The following LUC7L2 variants were observed in gnomAD, a reference collection of about 807,000 sequenced individuals.
LUC7L2 encodes the protein LUC7 like 2, pre-mRNA splicing factor.
Under a neutral mutation model 52.8 loss-of-function variants are expected in LUC7L2, and 25 were observed. The observed-to-expected ratio is 0.47, with a 90% CI of 0.34 to 0.66. The LOEUF (loss-of-function observed/expected upper bound fraction) is 0.66. LUC7L2 is among the 30% of genes least tolerant of loss of function. LUC7L2 has a pLI of 0.01. For synonymous variants in LUC7L2, 144 were observed against 160.9 expected, an observed-to-expected ratio of 0.89 and a Z score of 0.80; for missense variants, 328 against 497.8, an observed-to-expected ratio of 0.66 and a Z score of 3.25.
intron 2 of LUC7L2, among the ~76,000 whole-genome samples, chr7:139,395,663 C>G (rs1172662154): frequency 6.6e-6 from 1 of 152,148 alleles, no homozygotes; most frequent in Non-Finnish European, 1.5e-5. Flanking sequence ...ACTTTTGAGA[C>G]AGGGTCTAGC....
At position 139,380,192 on chromosome 7, in the gene LUC7L2, A is replaced by T. The variant is rs548309327; in HGVS notation, c.156+4036A>T. 5.7e-4 allele frequency among the ~76,000 whole-genome samples: 86 copies of T among 152,206 alleles called. 1 individual carries two copies. The highest frequency in any genetic ancestry group is 3.1e-3 in the South Asian group (15 of 4,826). ...AGACTCTGTCTCAAAATAAATTAAT[A>T]AATTAATCAGAGGAGGTAAAACAGA... On this transcript the variant is annotated intron_variant, in intron 2 of 9. Transcript: ENST00000354926.
At chr7:139,417,474 G>A (rs750783129) in intron 8 of LUC7L2, 64 bp from the exon 9 acceptor site, 18 of 1,548,634 alleles carry the variant, frequency 1.2e-5, no homozygotes, top group Non-Finnish European at 1.6e-5. Flanking sequence ...TAAAGAAAAG[G>A]CTTTAATAAA....
At chr7:139,421,503 A>G (rs779287838) in intron 9 of LUC7L2, among the ~76,000 whole-genome samples, 3 of 152,234 alleles carry the variant, frequency 2.0e-5, no homozygotes, top group African/African-American at 4.8e-5. Context: ...TGGCTAATCA[A>G]GATTTATTAG....
At position 139,360,068 on chromosome 7, in the gene LUC7L2, C is replaced by T. The variant is rs1321284089; in HGVS notation, c.-194C>T. 1.8e-6 allele frequency: 1 copy of T among 552,496 alleles called. No homozygotes were observed. The highest frequency in any genetic ancestry group is 3.2e-6 in the Non-Finnish European group (1 of 313,226). The allele number at this position is 552,496 out of a possible 1,614,324, so 34.2% of individuals were successfully genotyped here. On this transcript the variant is annotated 5_prime_UTR_variant, in exon 1 of 10. Coordinates refer to ENST00000354926, the MANE Select transcript of LUC7L2 (RefSeq NM_016019.5). The stretch of plus-strand genomic sequence containing the variant: ...GTCGCTGTCGGGGGCTGTCGTCTTC[C>T]ACGTACACGTCGTCGTGAGGAGCGC...
At chr7:139,367,831 C>T (rs141394099) in intron 1 of LUC7L2, among the ~76,000 whole-genome samples, 7 of 152,214 alleles carry the variant, frequency 4.6e-5, no homozygotes, top group African/African-American at 1.7e-4. Context: ...CTTTGGTCCA[C>T]GGGGGTCAGT....
At chr7:139,401,454 T>G (rs1794913009) in intron 3 of LUC7L2, among the ~76,000 whole-genome samples, 1 of 152,132 alleles carries the variant, frequency 6.6e-6, no homozygotes, top group Non-Finnish European at 1.5e-5. Flanking sequence ...TTTCTTCATG[T>G]CCTCAAGTGA....
intron 1 of LUC7L2, among the ~76,000 whole-genome samples, chr7:139,343,719 G>A (rs1473407524): frequency 6.6e-6 from 1 of 152,116 alleles, no homozygotes; most frequent in Non-Finnish European, 1.5e-5. Context: ...TGGATCGCTT[G>A]TGCCCAGGAG....
chr7:139,360,366 A>G (rs1283959601), intron 1 of LUC7L2, 44 bp downstream of exon 1: 1 of 1,531,336 alleles, frequency 6.5e-7, no homozygotes, highest in Non-Finnish European at 8.8e-7. Flanking sequence ...GGGGACGGGG[A>G]CGGCGAAGGG....
chr7:139,389,258 A>G lies in LUC7L2; in HGVS notation c.157-9341A>G, dbSNP rs376835812. 3.3e-5 allele frequency among the ~76,000 whole-genome samples: 5 copies of G among 152,032 alleles called. No individual in the cohort carries two copies. In the East Asian group the frequency reaches 7.7e-4, roughly 23 times the overall value. Reference sequence around the variant, plus strand: ...GTGTCGTATTTCTGCCTGAGTAGTCAAGCATTCTTCTTTGCCTACAGAATA... The same window carrying G: ...GTGTCGTATTTCTGCCTGAGTAGTCGAGCATTCTTCTTTGCCTACAGAATA... On this transcript the variant is annotated intron_variant, in intron 2 of 9. Coordinates refer to ENST00000354926, the MANE Select transcript of LUC7L2 (RefSeq NM_016019.5).
rs2131305147 is a variant in LUC7L2, at chr7:139,412,581, G to GT, written c.809+2dup. ...GATCACACAGCAAGAATCCAAAAAG[G>GT]TAGGTGTATTACATAAGACAGGTAT... On this transcript the variant is annotated splice_donor_variant, in intron 8 of 9. Coordinates refer to ENST00000354926, the MANE Select transcript of LUC7L2 (RefSeq NM_016019.5). LOFTEE classifies it high-confidence loss of function. The GT allele has an allele frequency of 6.2e-7, 1 of 1,604,586 alleles. No individual in the cohort carries two copies. The highest frequency in any genetic ancestry group is 8.5e-7 in the Non-Finnish European group (1 of 1,176,988).
At chr7:139,360,413 G>C (rs1799809708) in intron 1 of LUC7L2, 91 bp downstream of exon 1, 3 of 1,209,496 alleles carry the variant, frequency 2.5e-6, no homozygotes, top group Non-Finnish European at 2.3e-6. Context: ...GCGCGCGTGT[G>C]GCTGAGTAAG....
At position 139,346,487 on chromosome 7, in the gene LUC7L2, A is replaced by G. The variant is rs1469493306; in HGVS notation, c.-26+5970A>G. 3.9e-5 allele frequency among the ~76,000 whole-genome samples: 6 copies of G among 152,328 alleles called. No homozygotes were observed. The South Asian group carries it at 1.0e-3, about 26-fold the overall frequency. On this transcript the variant is annotated intron_variant, in intron 1 of 10. Coordinates refer to the LUC7L2 transcript ENST00000541170. ...ACAGTCCTGGCAGGAAATAGGTGGC[A>G]CACTCAAATAGGGACATTGAGGAGA...
At chr7:139,389,390 CA>C (rs1228492961) in intron 2 of LUC7L2, among the ~76,000 whole-genome samples, 1 of 152,168 alleles carries the variant, frequency 6.6e-6, no homozygotes, top group Non-Finnish European at 1.5e-5. Context: ...CTTTTCCCCC[CA>C]TCATTTTCCT....
intron 2 of LUC7L2, among the ~76,000 whole-genome samples, chr7:139,394,411 A>G (rs1396399779): frequency 6.6e-6 from 1 of 152,100 alleles, no homozygotes; most frequent in Admixed American, 6.6e-5. Flanking sequence ...GTCCACCTCT[A>G]CTATAGTGGT....
intron 2 of LUC7L2, among the ~76,000 whole-genome samples, chr7:139,381,199 A>G (rs1404985076): frequency 1.3e-5 from 2 of 152,156 alleles, no homozygotes; most frequent in African/African-American, 4.8e-5. Context: ...TCTTAAATCT[A>G]GAAATACTTA....
intron 1 of LUC7L2, among the ~76,000 whole-genome samples, chr7:139,366,659 CAT>C (rs1278360262): frequency 2.0e-5 from 3 of 152,190 alleles, no homozygotes; most frequent in African/African-American, 7.2e-5. Context: ...GCAACAGAGT[CAT>C]ATGGCCCGCA....
intron 2 of LUC7L2, among the ~76,000 whole-genome samples, chr7:139,394,639 G>T (rs6467846): frequency 0.39 from 58,541 of 152,030 alleles, 15,743 homozygotes; most frequent in African/African-American, 0.77. Flanking sequence ...GTTGATCAGG[G>T]AACTGATGAA....
intron 8 of LUC7L2, among the ~76,000 whole-genome samples, chr7:139,415,071 T>G (rs148775836): frequency 0.37 from 51,632 of 140,494 alleles, 13,293 homozygotes; most frequent in African/African-American, 0.73. Flanking sequence ...TTTTTTTTTT[T>G]TTTTTTTTTT....
At chr7:139,365,412 T>G (rs1259679784) in intron 1 of LUC7L2, among the ~76,000 whole-genome samples, 1 of 152,132 alleles carries the variant, frequency 6.6e-6, no homozygotes, top group Non-Finnish European at 1.5e-5. Context: ...TTATTTTCGT[T>G]TAGGTTGGAT....
Sources: gnomAD v4.1 joint callset for allele counts (sites outside exome capture counted in the v4.1 genomes callset) on GRCh38, gnomAD v4.1.1 for gene constraint, MANE v1.5 for transcripts, NCBI Gene and HGNC (gene_info 2026-07-23, HGNC 2026-07-21) for gene names.